Variants in TMEM132D observed in about 807,000 individuals in gnomAD.
TMEM132D encodes the protein transmembrane protein 132D, also known as mature OL transmembrane protein.
Under a neutral mutation model 62.3 loss-of-function variants are expected in TMEM132D, and 21 were observed. The observed-to-expected ratio is 0.34, with a 90% CI of 0.24 to 0.49. TMEM132D has a LOEUF of 0.49. Among genes scored for constraint, TMEM132D ranks in the 20% least tolerant of loss-of-function variants. The probability of loss-of-function intolerance (pLI) is 0.99; values close to 1 mark genes in which losing one functional copy is unlikely to be tolerated. For synonymous variants in TMEM132D, 621 were observed against 575.6 expected (o/e 1.08, Z -1.13); for missense variants, 1,346 against 1,402.8 (o/e 0.96, Z 0.65).
At chr12:129,739,795 G>T (rs1869542637) in intron 1 of TMEM132D, among the ~76,000 whole-genome samples, 1 of 152,184 alleles carries the variant, frequency 6.6e-6, no homozygotes. Flanking sequence ...TTCTACAGAT[G>T]AAGTCATCTA....
At chr12:129,291,177 C>T (rs73148863) in intron 4 of TMEM132D, among the ~76,000 whole-genome samples, 2,130 of 152,184 alleles carry the variant, frequency 0.014, 16 homozygotes, top group Non-Finnish European at 0.02. Context: ...TGGAGAAATA[C>T]CTCTGCAGGA....
chr12:129,275,089 G>C (rs1593319777), intron 4 of TMEM132D, among the ~76,000 whole-genome samples: 1 of 152,060 alleles, frequency 6.6e-6, no homozygotes, highest in Non-Finnish European at 1.5e-5. Context: ...AGACTAGCCT[G>C]GTCAACAGTG....
intron 2 of TMEM132D, among the ~76,000 whole-genome samples, chr12:129,552,998 GAGTC>G (rs1566107492): frequency 6.6e-6 from 1 of 152,118 alleles, no homozygotes; most frequent in East Asian, 1.9e-4. Context: ...CCCCAAGTCC[GAGTC>G]TCTGGGGACA....
intron 1 of TMEM132D, among the ~76,000 whole-genome samples, chr12:129,722,063 G>A (rs1868852838): frequency 6.6e-6 from 1 of 152,240 alleles, no homozygotes; most frequent in Non-Finnish European, 1.5e-5. Context: ...AATGGTGGGT[G>A]TGTTGGAGGT....
intron 5 of TMEM132D, among the ~76,000 whole-genome samples, chr12:129,125,221 T>C (rs77650016): frequency 0.029 from 4,482 of 152,286 alleles, 224 homozygotes; most frequent in African/African-American, 0.1. Context: ...AGACCATCTA[T>C]TAAACACACT....
At chr12:129,263,289 TG>T (rs1880599746) in intron 4 of TMEM132D, among the ~76,000 whole-genome samples, 1 of 152,206 alleles carries the variant, frequency 6.6e-6, no homozygotes, top group Non-Finnish European at 1.5e-5. Context: ...TGACCCAACT[TG>T]GGTATCTTTT....
chr12:129,627,843 C>T (rs748615402), intron 2 of TMEM132D, among the ~76,000 whole-genome samples: 1 of 151,872 alleles, frequency 6.6e-6, no homozygotes, highest in Non-Finnish European at 1.5e-5. Context: ...AAAAATTAGC[C>T]GGGCGTGGTG....
intron 1 of TMEM132D, among the ~76,000 whole-genome samples, chr12:129,723,893 C>T (rs770979519): frequency 4.6e-5 from 7 of 152,188 alleles, no homozygotes; most frequent in East Asian, 1.9e-4. Context: ...AGCTGCATAA[C>T]GCCTGCCCTC....
At chr12:129,457,458 A>AGGGGG (rs1873511317) in intron 3 of TMEM132D, among the ~76,000 whole-genome samples, 1 of 124,824 alleles carries the variant, frequency 8.0e-6, no homozygotes, top group Non-Finnish European at 1.7e-5. Flanking sequence ...GGGGGAGGGG[A>AGGGGG]GAGGGATGGC....
chr12:129,344,033 C>T lies in TMEM132D; in HGVS notation c.1116-6216G>A, dbSNP rs574627156. On this transcript the variant is annotated intron_variant, in intron 3 of 8. Coordinates refer to ENST00000422113, the MANE Select transcript of TMEM132D (RefSeq NM_133448.3). ...CAAACCCTTGTAGCAGAACACATTT[C>T]TCCATATATACAAGCATTGTTCCTA... Among the ~76,000 whole-genome samples, 3 of 152,332 alleles carry T rather than the reference C, an allele frequency of 2.0e-5. No individual in the cohort carries two copies. The South Asian group carries it at 6.2e-4, about 32-fold the overall frequency.
rs538100510 is a variant in TMEM132D, at chr12:129,247,308, T to G, written c.1300-37645A>C. Among the ~76,000 whole-genome samples, 15 of 152,322 alleles carry G rather than the reference T, an allele frequency of 9.8e-5. No homozygotes were observed. In the South Asian group the frequency reaches 2.9e-3, roughly 29 times the overall value. On this transcript the variant is annotated intron_variant, in intron 4 of 8. Transcript: ENST00000422113. ...GAGTGGGCAGTTCTCACATTTGCCA[T>G]GGTGAGTGTCACGATCTGGTTCCAA...
At chr12:129,361,063 G>A (rs1311798932) in intron 3 of TMEM132D, among the ~76,000 whole-genome samples, 1 of 152,124 alleles carries the variant, frequency 6.6e-6, no homozygotes, top group African/African-American at 2.4e-5. Context: ...GTCCCCTTGA[G>A]TCCTCCATAT....
chr12:129,874,592 T>TAAA (rs34854402), intron 1 of TMEM132D, among the ~76,000 whole-genome samples: 20 of 130,260 alleles, frequency 1.5e-4, no homozygotes, highest in South Asian at 5.0e-4. Context: ...AAAGCTAGGT[T>TAAA]AAAAAAAAAA....
chr12:129,582,884 C>A (rs1050567133), intron 2 of TMEM132D, among the ~76,000 whole-genome samples: 1 of 152,032 alleles, frequency 6.6e-6, no homozygotes, highest in African/African-American at 2.4e-5. Flanking sequence ...CTCGGCCTCC[C>A]AAAGTGCTGG....
At chr12:129,573,478 C>CA (rs1291751262) in intron 2 of TMEM132D, among the ~76,000 whole-genome samples, 1 of 152,176 alleles carries the variant, frequency 6.6e-6, no homozygotes, top group South Asian at 2.1e-4. Flanking sequence ...TCATGGGACT[C>CA]ACGTGAGCTC....
intron 4 of TMEM132D, among the ~76,000 whole-genome samples, chr12:129,292,097 G>T (rs1218374338): frequency 6.6e-6 from 1 of 152,154 alleles, no homozygotes; most frequent in East Asian, 1.9e-4. Flanking sequence ...AAATTAATAA[G>T]CATGAGCTGG....
At chr12:129,241,747 A>G (rs1373893279) in intron 4 of TMEM132D, among the ~76,000 whole-genome samples, 1 of 152,174 alleles carries the variant, frequency 6.6e-6, no homozygotes, top group Non-Finnish European at 1.5e-5. Flanking sequence ...TTCCTGCCAG[A>G]TACTGTGCTT....
intron 3 of TMEM132D, among the ~76,000 whole-genome samples, chr12:129,393,286 GTGAA>G (rs576759831): frequency 3.9e-5 from 6 of 152,352 alleles, no homozygotes; most frequent in Admixed American, 3.9e-4. Context: ...GAATGAGTGA[GTGAA>G]TGAGTGAGGT....
At chr12:129,770,428 C>T (rs116917128) in intron 1 of TMEM132D, among the ~76,000 whole-genome samples, 4,053 of 152,232 alleles carry the variant, frequency 0.027, 90 homozygotes, top group Non-Finnish European at 0.039. Context: ...AGGCGTGGGC[C>T]ACTGTGCCTC....
Sources: allele counts gnomAD v4.1 joint callset (sites outside exome capture counted in the v4.1 genomes callset), GRCh38; gene constraint gnomAD v4.1.1; transcripts MANE v1.5; gene names NCBI Gene and HGNC (gene_info 2026-07-23, HGNC 2026-07-21).